DNAH14: variants seen among roughly 807,000 people sequenced by gnomAD.
DNAH14 encodes the protein axonemal beta dynein heavy chain 14.
In DNAH14, 478 loss-of-function variants were observed where a neutral mutation model predicts 520.9. That is an observed-to-expected ratio of 0.92 (90% CI 0.85 to 0.99). The LOEUF is 0.99. Ranked by LOEUF, DNAH14 falls within the 50% of genes least tolerant of loss-of-function variation. DNAH14 has a pLI of 0.00. For missense variants in DNAH14, 4,831 were observed against 5,234.5 expected (o/e 0.92, Z 2.38); for synonymous variants, 1,581 against 1,757.2 (o/e 0.90, Z 2.51).
chr1:225,103,497 C>T (rs988233870), intron 23 of DNAH14, among the ~76,000 whole-genome samples: 20 of 152,170 alleles, frequency 1.3e-4, no homozygotes, highest in African/African-American at 4.8e-4. Flanking sequence ...GCCATTTTCA[C>T]GATATTGATT....
At chr1:224,949,311 G>A (rs2449294) in intron 1 of DNAH14, among the ~76,000 whole-genome samples, 13,993 of 151,840 alleles carry the variant, frequency 0.092, 2,080 homozygotes, top group African/African-American at 0.32. Context: ...CACTATGTTG[G>A]GTGTGTGTGC....
chr1:225,242,578 G>A (rs1051638102), intron 43 of DNAH14, among the ~76,000 whole-genome samples: 1 of 152,062 alleles, frequency 6.6e-6, no homozygotes. Context: ...TCATCTCCTA[G>A]GACAACAATG....
intron 40 of DNAH14, 73 bp downstream of exon 40, chr1:225,206,252 G>A (rs2087536263): frequency 3.1e-6 from 4 of 1,276,286 alleles, no homozygotes; most frequent in African/African-American, 3.0e-5. Context: ...ATTATTTACA[G>A]CATTTTATGT....
intron 8 of DNAH14, among the ~76,000 whole-genome samples, chr1:224,999,415 G>A (rs2063603818): frequency 6.6e-6 from 1 of 152,014 alleles, no homozygotes; most frequent in African/African-American, 2.4e-5. Context: ...ATGTTGGTCA[G>A]GCTGGTCTCG....
At chr1:225,247,062 T>C (rs2092325794) in intron 43 of DNAH14, among the ~76,000 whole-genome samples, 1 of 152,188 alleles carries the variant, frequency 6.6e-6, no homozygotes, top group African/African-American at 2.4e-5. Flanking sequence ...AAGAATGAGT[T>C]CATGTGCTTT....
chr1:225,312,165 C>T (rs1440220941), intron 60 of DNAH14, among the ~76,000 whole-genome samples: 1 of 152,020 alleles, frequency 6.6e-6, no homozygotes, highest in Non-Finnish European at 1.5e-5. Flanking sequence ...CCTTCATATC[C>T]CTTGTAAGTT....
intron 1 of DNAH14, among the ~76,000 whole-genome samples, chr1:224,947,503 A>T (rs1292680959): frequency 6.6e-6 from 1 of 151,892 alleles, no homozygotes; most frequent in African/African-American, 2.4e-5. Context: ...TGTTTTTTCT[A>T]CTCAGTAATA....
chr1:225,192,622 T>C, intron 37 of DNAH14, 74 bp from the exon 38 acceptor site: 1 of 1,080,812 alleles, frequency 9.3e-7, no homozygotes, highest in Non-Finnish European at 1.3e-6. Flanking sequence ...AACCTTTTAA[T>C]AATAAGAATG....
chr1:225,353,687 T>A (rs2095397495), intron 72 of DNAH14, 116 bp from the exon 73 acceptor site: 2 of 651,122 alleles, frequency 3.1e-6, no homozygotes, highest in Non-Finnish European at 2.7e-6. Flanking sequence ...AAGTCAGCCA[T>A]GTTTAGAAAA....
intron 49 of DNAH14, among the ~76,000 whole-genome samples, chr1:225,270,435 A>T (rs2149826796): frequency 6.6e-6 from 1 of 152,268 alleles, no homozygotes; most frequent in Admixed American, 6.5e-5. Context: ...ACAAACCTGC[A>T]CATTGTGCAC....
chr1:224,978,509 G>T (rs1464482609), intron 8 of DNAH14, among the ~76,000 whole-genome samples: 2 of 152,190 alleles, frequency 1.3e-5, no homozygotes, highest in African/African-American at 4.8e-5. Context: ...TGAGAAGGGT[G>T]TTGGGGAGGG....
intron 44 of DNAH14, 53 bp from the exon 45 acceptor site, chr1:225,257,907 G>T: frequency 7.7e-7 from 1 of 1,292,502 alleles, no homozygotes; most frequent in Non-Finnish European, 1.0e-6. Flanking sequence ...AAAAAGATGA[G>T]GTGAATAGTA....
intron 63 of DNAH14, 87 bp from the exon 64 acceptor site, chr1:225,324,650 T>G: frequency 8.3e-7 from 1 of 1,201,926 alleles, no homozygotes. Context: ...AACAATTGAC[T>G]CTGTAAATGT....
At chr1:225,239,853 T>C (rs865849668) in intron 42 of DNAH14, among the ~76,000 whole-genome samples, 4 of 152,232 alleles carry the variant, frequency 2.6e-5, no homozygotes, top group Non-Finnish European at 5.9e-5. Flanking sequence ...TAGTGACATA[T>C]TTTAGGTTTT....
At chr1:225,036,367 C>A (rs543301739) in intron 11 of DNAH14, among the ~76,000 whole-genome samples, 47 of 152,232 alleles carry the variant, frequency 3.1e-4, no homozygotes, top group African/African-American at 5.8e-4. Flanking sequence ...GAACTCCTGA[C>A]CTCGTGATCC....
At chr1:224,986,778 G>A (rs1249704176) in intron 8 of DNAH14, among the ~76,000 whole-genome samples, 1 of 152,178 alleles carries the variant, frequency 6.6e-6, no homozygotes, top group Non-Finnish European at 1.5e-5. Context: ...ATACAACAAA[G>A]ATGCCCATTT....
At chr1:225,239,815 C>T (rs761749195) in intron 42 of DNAH14, among the ~76,000 whole-genome samples, 6 of 152,184 alleles carry the variant, frequency 3.9e-5, no homozygotes, top group Admixed American at 6.5e-5. Flanking sequence ...ATGAACTGTA[C>T]ATTAATGATT....
intron 2 of DNAH14, among the ~76,000 whole-genome samples, chr1:224,954,118 G>A (rs1331461050): frequency 6.6e-6 from 1 of 151,856 alleles, no homozygotes; most frequent in East Asian, 1.9e-4. Context: ...AAAAAAGGTG[G>A]GGAGGACAAC....
intron 10 of DNAH14, among the ~76,000 whole-genome samples, chr1:225,017,876 A>C (rs1324439465): frequency 3.9e-5 from 6 of 152,200 alleles, no homozygotes; most frequent in Non-Finnish European, 7.3e-5. Context: ...CCACAGCCAA[A>C]TACTTGAGGG....
Sources: allele counts gnomAD v4.1 joint callset (sites outside exome capture counted in the v4.1 genomes callset), GRCh38; gene constraint gnomAD v4.1.1; transcripts MANE v1.5; gene names NCBI Gene and HGNC (gene_info 2026-07-23, HGNC 2026-07-21).